Variants in SAP18 observed in about 807,000 individuals in gnomAD.
The protein encoded by SAP18 is histone deacetylase complex subunit SAP18.
SAP18 carries 4 observed loss-of-function variants against 18.6 expected under a neutral mutation model. The observed-to-expected ratio is 0.21, with a 90% confidence interval of 0.11 to 0.49. SAP18 has a LOEUF of 0.49. Ranked by LOEUF, SAP18 falls within the 20% of genes least tolerant of loss-of-function variation. SAP18 has a pLI of 0.98. For missense variants in SAP18, 170 were observed against 226.4 expected (o/e 0.75, Z 1.60); for synonymous variants, 112 against 82.8 (o/e 1.35, Z -1.92).
chr13:21,140,402 T>C (rs1024399571), upstream of SAP18: 5 of 813,692 alleles, frequency 6.1e-6, no homozygotes, highest in African/African-American at 3.5e-5. Flanking sequence ...CCCGCGGACG[T>C]CAGCACCCGC....
chr13:21,143,171 G>C (rs1214389165), intron 2 of SAP18, among the ~76,000 whole-genome samples: 2 of 152,160 alleles, frequency 1.3e-5, no homozygotes, highest in Non-Finnish European at 2.9e-5. Flanking sequence ...TAATGCTGCT[G>C]TGAACATTGG....
At chr13:21,140,585 G>A (rs1869420116) in exon 1 of SAP18, 1 of 1,607,832 alleles carries the variant, frequency 6.2e-7, no homozygotes, top group African/African-American at 1.3e-5. Context: ...GTCAGGGCGA[G>A]CGTCTCGCAG....
intron 2 of SAP18, among the ~76,000 whole-genome samples, chr13:21,145,401 G>A (rs748095772): frequency 2.4e-4 from 37 of 152,290 alleles, no homozygotes; most frequent in Admixed American, 4.6e-4. Flanking sequence ...CTAGTCCCAT[G>A]TATTTTGGGT....
At chr13:21,148,232 T>C (rs951180204) in exon 4 of SAP18, 1 of 152,220 alleles carries the variant, frequency 6.6e-6, no homozygotes, top group Non-Finnish European at 1.5e-5. Flanking sequence ...GATAAATTAT[T>C]TCAATCTTTA....
chr13:21,142,035 C>A (rs1869486870), intron 2 of SAP18, among the ~76,000 whole-genome samples: 1 of 150,606 alleles, frequency 6.6e-6, no homozygotes, highest in South Asian at 2.1e-4. Context: ...GCCTGTAATC[C>A]CAGCACTTTG....
chr13:21,147,372 T>A, exon 4 of SAP18: 1 of 1,581,980 alleles, frequency 6.3e-7, no homozygotes, highest in Non-Finnish European at 8.6e-7. Flanking sequence ...GAATTTATTT[T>A]TCCGTCAGTT....
At chr13:21,141,634 A>G (rs1869466244) in intron 2 of SAP18, 1 of 153,776 alleles carries the variant, frequency 6.5e-6, no homozygotes, top group Non-Finnish European at 1.4e-5. Flanking sequence ...TAGTATAAGT[A>G]AAAGGTGTGT....
intron 2 of SAP18, among the ~76,000 whole-genome samples, chr13:21,143,208 T>G (rs1869531341): frequency 6.6e-6 from 1 of 152,258 alleles, no homozygotes; most frequent in African/African-American, 2.4e-5. Flanking sequence ...TGTCGCTGCT[T>G]TCAGTTCTTT....
chr13:21,144,865 A>G (rs1412093848), intron 2 of SAP18, among the ~76,000 whole-genome samples: 1 of 152,178 alleles, frequency 6.6e-6, no homozygotes, highest in Non-Finnish European at 1.5e-5. Context: ...AATCCCCCAA[A>G]TTAATTAAGA....
At chr13:21,146,906 A>G (rs1869670253) in exon 3 of SAP18, 2 of 1,611,344 alleles carry the variant, frequency 1.2e-6, no homozygotes, top group Non-Finnish European at 8.5e-7. Context: ...GTTTTTACAG[A>G]TGTTAAAAGA....
intron 3 of SAP18, 44 bp downstream of exon 3, chr13:21,146,971 T>C: frequency 6.3e-7 from 1 of 1,577,292 alleles, no homozygotes; most frequent in Non-Finnish European, 8.6e-7. Context: ...TCTTTGTTTT[T>C]AGTATGTTTT....
upstream of SAP18, among the ~76,000 whole-genome samples, chr13:21,140,317 G>A (rs1869394975): frequency 6.6e-6 from 1 of 152,198 alleles, no homozygotes; most frequent in South Asian, 2.1e-4. Flanking sequence ...TTAAGCTTAT[G>A]TCGCCTGTGA....
upstream of SAP18, chr13:21,140,440 G>C: frequency 1.6e-6 from 2 of 1,247,378 alleles, no homozygotes; most frequent in Non-Finnish European, 2.2e-6. Context: ...ACACGCAGGC[G>C]CGCTCCGGCT....
At chr13:21,144,974 G>T (rs907794004) in intron 2 of SAP18, among the ~76,000 whole-genome samples, 1 of 151,898 alleles carries the variant, frequency 6.6e-6, no homozygotes, top group Admixed American at 6.6e-5. Flanking sequence ...ACTGAGCATC[G>T]CAAGTCCAAA....
At chr13:21,142,838 C>T (rs1869517776) in intron 2 of SAP18, among the ~76,000 whole-genome samples, 1 of 152,176 alleles carries the variant, frequency 6.6e-6, no homozygotes, top group South Asian at 2.1e-4. Context: ...CAGGCACACA[C>T]CACCATGCCC....
exon 1 of SAP18, chr13:21,140,588 T>A (rs1431406098): frequency 1.2e-6 from 2 of 1,608,764 alleles, no homozygotes; most frequent in South Asian, 1.1e-5. Flanking sequence ...AGGGCGAGCG[T>A]CTCGCAGGCC....
At chr13:21,147,068 T>C (rs905701498) in intron 3 of SAP18, 118 bp from the exon 4 acceptor site, 9 of 1,436,048 alleles carry the variant, frequency 6.3e-6, no homozygotes, top group Admixed American at 2.2e-5. Context: ...AATAAAGTAG[T>C]TAAATTTTGG....
intron 2 of SAP18, among the ~76,000 whole-genome samples, chr13:21,144,458 G>A (rs965425602): frequency 6.7e-6 from 1 of 148,532 alleles, no homozygotes; most frequent in Non-Finnish European, 1.5e-5. Context: ...TTTGGTTTAC[G>A]TGATTGTGGG....
chr13:21,140,663 A>G (rs550761091), exon 1 of SAP18: 2 of 1,612,228 alleles, frequency 1.2e-6, no homozygotes, highest in Non-Finnish European at 1.7e-6. Flanking sequence ...AGCCAGAGAA[A>G]CCGATCGACC....
Sources: gnomAD v4.1 joint callset for allele counts (sites outside exome capture counted in the v4.1 genomes callset) on GRCh38, gnomAD v4.1.1 for gene constraint, MANE v1.5 for transcripts, NCBI Gene and HGNC (gene_info 2026-07-23, HGNC 2026-07-21) for gene names.